NBPF10: variants seen among roughly 807,000 people sequenced by gnomAD.
NBPF10 encodes NBPF family member NBPF10.
In NBPF10, 63 loss-of-function variants were observed where a neutral mutation model predicts 77.9. The observed-to-expected ratio is 0.81, with a 90% confidence interval of 0.66 to 1.00. The LOEUF is 1.00. Among genes scored for constraint, NBPF10 ranks in the 50% least tolerant of loss-of-function variants. The pLI, the probability that NBPF10 is intolerant of heterozygous loss-of-function variation, is 0.00. For missense variants in NBPF10, 522 were observed against 679.8 expected, an observed-to-expected ratio of 0.77 and a Z score of 2.58; for synonymous variants, 146 against 264.5, an observed-to-expected ratio of 0.55 and a Z score of 4.35.
At chr1:146,126,183 C>T (rs1327825095) in intron 14 of NBPF10, 53 bp downstream of exon 14, 2 of 968,440 alleles carry the variant, frequency 2.1e-6, no homozygotes, top group Non-Finnish European at 3.4e-6. Context: ...AGGAATATGA[C>T]CCTAACCAGA....
At chr1:146,126,824 T>A (rs1658766197) in intron 13 of NBPF10, among the ~76,000 whole-genome samples, 1 of 124,340 alleles carries the variant, frequency 8.0e-6, no homozygotes, top group African/African-American at 3.0e-5. Flanking sequence ...TGGTCAACTT[T>A]CACTAGGTTA....
At chr1:146,126,582 G>T (rs1424972918) in intron 13 of NBPF10, among the ~76,000 whole-genome samples, 174 bp from the exon 14 acceptor site, 41 of 131,660 alleles carry the variant, frequency 3.1e-4, no homozygotes, top group African/African-American at 1.0e-3. Flanking sequence ...AGGTAGAAAA[G>T]GATGAACGAG....
chr1:146,136,288 C>T (rs6683593), intron 7 of NBPF10, 65 bp downstream of exon 7: 55 of 910,572 alleles, frequency 6.0e-5, no homozygotes, highest in Middle Eastern at 3.0e-4. Flanking sequence ...GTCTCCCCAC[C>T]GAGCTGCTGT....
At chr1:146,126,668 C>G (rs1330852902) in intron 13 of NBPF10, among the ~76,000 whole-genome samples, 2 of 145,524 alleles carry the variant, frequency 1.4e-5, no homozygotes, top group African/African-American at 2.5e-5. Context: ...AGGTGACACA[C>G]TGATGAGGGA....
chr1:146,121,879 A>T (rs1658216237), intron 19 of NBPF10, among the ~76,000 whole-genome samples: 1 of 149,048 alleles, frequency 6.7e-6, no homozygotes, highest in African/African-American at 2.5e-5. Context: ...AGAGACAGAG[A>T]CAGAGACAGA....
chr1:146,126,368 A>T, exon 14 of NBPF10: 1 of 1,386,982 alleles, frequency 7.2e-7, no homozygotes. Context: ...GAGTCCTGCA[A>T]GACTTCAGGC....
At chr1:146,142,451 C>G (rs1271229532) in intron 2 of NBPF10, among the ~76,000 whole-genome samples, 199 bp downstream of exon 2, 1 of 133,508 alleles carries the variant, frequency 7.5e-6, no homozygotes, top group Non-Finnish European at 1.8e-5. Context: ...AAAGAGAAAA[C>G]AAGGCTCTAA....
exon 90 of NBPF10, chr1:146,066,496 T>A (rs1218188154): frequency 2.8e-6 from 2 of 711,724 alleles, no homozygotes; most frequent in African/African-American, 2.3e-5. Context: ...CGGAGTCGAA[T>A]AACATCTATC....
At chr1:146,067,864 A>C in intron 88 of NBPF10, 139 bp downstream of exon 88, 1 of 697,724 alleles carries the variant, frequency 1.4e-6, no homozygotes, top group Non-Finnish European at 2.6e-6. Context: ...CTACAGTTTC[A>C]TTACAACCTA....
chr1:146,066,525 T>G (rs587705278), exon 90 of NBPF10: 2 of 689,552 alleles, frequency 2.9e-6, no homozygotes, highest in South Asian at 2.0e-5. Flanking sequence ...CCTGTAAGAC[T>G]TCACGCTCTT....
chr1:146,126,340 G>A (rs782431279), exon 14 of NBPF10: 5 of 1,311,172 alleles, frequency 3.8e-6, no homozygotes, highest in Non-Finnish European at 5.5e-6. Flanking sequence ...TGAAGGAGTT[G>A]AATAACATCT....
At chr1:146,126,131 G>A (rs1171352670) in intron 14 of NBPF10, 105 bp downstream of exon 14, 2 of 779,624 alleles carry the variant, frequency 2.6e-6, no homozygotes, top group Non-Finnish European at 4.6e-6. Context: ...GGTCCTCCCT[G>A]TGGCAATGAC....
At chr1:146,138,876 C>T (rs2102219208) in intron 5 of NBPF10, among the ~76,000 whole-genome samples, 1 of 144,336 alleles carries the variant, frequency 6.9e-6, no homozygotes, top group Admixed American at 6.9e-5. Flanking sequence ...CCTCTGCCGC[C>T]CGGGTTCAAG....
intron 4 of NBPF10, among the ~76,000 whole-genome samples, 165 bp downstream of exon 4, chr1:146,140,319 A>G (rs1660171110): frequency 7.9e-6 from 1 of 126,898 alleles, no homozygotes; most frequent in Non-Finnish European, 1.8e-5. Context: ...ACACATAGAG[A>G]AACACGACAG....
At chr1:146,126,303 G>A (rs1553789893) in exon 14 of NBPF10, 11 of 1,565,194 alleles carry the variant, frequency 7.0e-6, no homozygotes, top group Non-Finnish European at 9.7e-6. Flanking sequence ...TGTAGGGCTG[G>A]CATGAGTCAG....
At chr1:146,067,412 G>C (rs1553778095) in intron 88 of NBPF10, 124 bp from the exon 89 acceptor site, 3 of 326,712 alleles carry the variant, frequency 9.2e-6, no homozygotes, top group South Asian at 7.3e-5. Context: ...CACTGTGAGA[G>C]ATATATTTCA....
chr1:146,109,349 G>GAGAGAC (rs1657357559), intron 35 of NBPF10, among the ~76,000 whole-genome samples: 2 of 68,396 alleles, frequency 2.9e-5, no homozygotes, highest in African/African-American at 9.6e-5. Context: ...CACACACAGA[G>GAGAGAC]AGAGAGAGAG....
At chr1:146,126,332 A>C (rs1658644970) in exon 14 of NBPF10, 1 of 1,293,108 alleles carries the variant, frequency 7.7e-7, no homozygotes, top group African/African-American at 1.5e-5. Flanking sequence ...AGACAACCTG[A>C]AGGAGTTGAA....
exon 88 of NBPF10, chr1:146,068,071 C>G: frequency 1.8e-6 from 1 of 542,740 alleles, no homozygotes; most frequent in Non-Finnish European, 3.1e-6. Flanking sequence ...GTAGGGCTGG[C>G]CTAAGTCAGG....
Sources: allele counts gnomAD v4.1 joint callset (sites outside exome capture counted in the v4.1 genomes callset), GRCh38; gene constraint gnomAD v4.1.1; transcripts MANE v1.5; gene names NCBI Gene and HGNC (gene_info 2026-07-23, HGNC 2026-07-21).